CEP85L: variants seen among roughly 807,000 people sequenced by gnomAD.
The protein encoded by CEP85L is centrosomal protein 85L.
Under a neutral mutation model 100.3 loss-of-function variants are expected in CEP85L, and 60 were observed. The ratio of observed to expected loss-of-function variants is 0.60; its 90% CI spans 0.49 to 0.74. The LOEUF (loss-of-function observed/expected upper bound fraction) is 0.74. Among genes scored for constraint, CEP85L ranks in the 30% least tolerant of loss-of-function variants. The probability of loss-of-function intolerance (pLI) is 0.00; values close to 1 mark genes in which losing one functional copy is unlikely to be tolerated. For synonymous variants in CEP85L, 319 were observed against 322.7 expected (o/e 0.99, Z 0.12); for missense variants, 973 against 936.2 (o/e 1.04, Z -0.51).
chr6:118,540,845 A>G (rs1777869882), intron 3 of CEP85L, among the ~76,000 whole-genome samples: 1 of 152,176 alleles, frequency 6.6e-6, no homozygotes, highest in African/African-American at 2.4e-5. Context: ...AGACCTAGGG[A>G]AACTTCAACT....
chr6:118,527,724 A>C (rs1777059299), intron 3 of CEP85L, among the ~76,000 whole-genome samples: 1 of 152,212 alleles, frequency 6.6e-6, no homozygotes, highest in South Asian at 2.1e-4. Flanking sequence ...GGAAATGCTT[A>C]AAATGATGTG....
At chr6:118,643,620 C>T (rs1775009339) in intron 1 of CEP85L, among the ~76,000 whole-genome samples, 1 of 152,096 alleles carries the variant, frequency 6.6e-6, no homozygotes, top group African/African-American at 2.4e-5. Flanking sequence ...ACTTAAAATC[C>T]TATCAACGAC....
chr6:118,522,308 C>T (rs930614047), intron 4 of CEP85L, among the ~76,000 whole-genome samples: 2 of 151,962 alleles, frequency 1.3e-5, no homozygotes, highest in African/African-American at 2.4e-5. Context: ...TGTGGTGAGC[C>T]GAGATCATGC....
At chr6:118,664,106 G>A (rs1776060325) in intron 1 of CEP85L, among the ~76,000 whole-genome samples, 1 of 151,790 alleles carries the variant, frequency 6.6e-6, no homozygotes, top group Non-Finnish European at 1.5e-5. Context: ...ATGTTGCCCA[G>A]GCTGGTCTCA....
chr6:118,706,042 G>T (rs899405216), intron 1 of CEP85L, among the ~76,000 whole-genome samples: 10 of 152,180 alleles, frequency 6.6e-5, no homozygotes, highest in Admixed American at 6.5e-4. Context: ...TTCTTAAGAA[G>T]TATCACGGCC....
chr6:118,546,279 C>G (rs1047460079), intron 3 of CEP85L, among the ~76,000 whole-genome samples: 1 of 152,152 alleles, frequency 6.6e-6, no homozygotes, highest in Non-Finnish European at 1.5e-5. Context: ...CTGTGTCACA[C>G]ACAGTTGTTA....
intron 5 of CEP85L, among the ~76,000 whole-genome samples, chr6:118,494,216 G>A (rs148167564): frequency 5.1e-4 from 78 of 152,196 alleles, no homozygotes; most frequent in African/African-American, 1.7e-3. Flanking sequence ...AAAATTCCAC[G>A]GGGACCCAAT....
At chr6:118,623,487 C>G (rs1773583012) in intron 2 of CEP85L, among the ~76,000 whole-genome samples, 1 of 152,192 alleles carries the variant, frequency 6.6e-6, no homozygotes, top group Non-Finnish European at 1.5e-5. Context: ...GCTACAATAA[C>G]TCAAGGAATT....
chr6:118,567,226 TGTGTGTGTGTGTGTG>T (rs1779570472), intron 2 of CEP85L, among the ~76,000 whole-genome samples: 1 of 69,798 alleles, frequency 1.4e-5, no homozygotes, highest in East Asian at 3.1e-4. Context: ...TGTGTGTGTG[TGTGTGTGTGTGTGTG>T]TGTGTGTGTA....
chr6:118,501,278 G>T (rs896678073), intron 5 of CEP85L, among the ~76,000 whole-genome samples: 1 of 152,220 alleles, frequency 6.6e-6, no homozygotes, highest in African/African-American at 2.4e-5. Context: ...CAGGCCTTGG[G>T]GTGCCACTTC....
chr6:118,558,674 G>C (rs1216794579), intron 3 of CEP85L, among the ~76,000 whole-genome samples: 3 of 145,236 alleles, frequency 2.1e-5, no homozygotes, highest in Admixed American at 6.8e-5. Context: ...GAGAGAGAGA[G>C]AGAGAGAGAG....
intron 5 of CEP85L, among the ~76,000 whole-genome samples, chr6:118,492,285 C>T (rs1774626641): frequency 6.6e-6 from 1 of 152,030 alleles, no homozygotes; most frequent in South Asian, 2.1e-4. Context: ...AAAATTTCTT[C>T]ACAGTTAATC....
intron 1 of CEP85L, among the ~76,000 whole-genome samples, chr6:118,648,168 C>T (rs12215456): frequency 0.029 from 4,400 of 152,240 alleles, 108 homozygotes; most frequent in African/African-American, 0.056. Flanking sequence ...GCACGAGAAC[C>T]GCTTGGAACC....
intron 2 of CEP85L, among the ~76,000 whole-genome samples, chr6:118,575,886 A>T (rs1780197511): frequency 6.6e-6 from 1 of 152,122 alleles, no homozygotes; most frequent in African/African-American, 2.4e-5. Context: ...AAAGCATCCA[A>T]GTTGACTATA....
rs372264323 is a variant in CEP85L at position 118,504,714 on chromosome 6, G to A, written c.1257+6584C>T. The stretch of plus-strand genomic sequence containing the variant: ...TAGCCAGTTGGTAAGAAGCATTTGG[G>A]ACTTGAAATTGGCATCTGAAGTGGA... On this transcript the variant is annotated intron_variant, in intron 5 of 12. Transcript: ENST00000368491. 1.5e-4 allele frequency among the ~76,000 whole-genome samples: 23 copies of A among 152,294 alleles called. 1 individual carries two copies. Among genetic ancestry groups the A allele is most frequent in the East Asian group, 1.2e-3 (6 of 5,178 alleles).
chr6:118,529,620 A>AAAAAAAAAAAAAAAC (rs1777177198), intron 3 of CEP85L, among the ~76,000 whole-genome samples: 1 of 106,100 alleles, frequency 9.4e-6, no homozygotes, highest in Non-Finnish European at 2.2e-5. Flanking sequence ...AAAAAAAAAA[A>AAAAAAAAAAAAAAAC]AAAAAAAAAA....
intron 1 of CEP85L, among the ~76,000 whole-genome samples, chr6:118,685,039 AAT>A (rs1296718134): frequency 6.6e-6 from 1 of 152,210 alleles, no homozygotes; most frequent in African/African-American, 2.4e-5. Context: ...AAAGACTATT[AAT>A]ATACTAATTA....
intron 1 of CEP85L, among the ~76,000 whole-genome samples, chr6:118,705,942 G>A (rs1777580385): frequency 6.6e-6 from 1 of 152,216 alleles, no homozygotes; most frequent in African/African-American, 2.4e-5. Flanking sequence ...TGCCTGGGAG[G>A]CCTTTCCTGC....
In CEP85L at chr6:118,606,648, T is replaced by C. The variant is rs546124783; in HGVS notation, c.232+25805A>G. Among the ~76,000 whole-genome samples, 3 of 152,310 alleles carry C rather than the reference T, an allele frequency of 2.0e-5. No homozygotes were observed. The South Asian group carries it at 6.2e-4, about 32-fold the overall frequency. ...AAGCTCCCAAGGACGTAAAACAAGG[T>C]GGAGACTTCATCCAGTATTTGTGTT... is the stretch of plus-strand genomic sequence containing the variant. On this transcript the variant is annotated intron_variant, in intron 2 of 12. Coordinates refer to ENST00000368491, the MANE Select transcript of CEP85L (RefSeq NM_001042475.3).
Sources: gnomAD v4.1 joint callset for allele counts (sites outside exome capture counted in the v4.1 genomes callset) on GRCh38, gnomAD v4.1.1 for gene constraint, MANE v1.5 for transcripts, NCBI Gene and HGNC (gene_info 2026-07-23, HGNC 2026-07-21) for gene names.